Variants in SHROOM2 observed in about 807,000 individuals in gnomAD.
SHROOM2 encodes shroom family member 2, also known as protein Shroom2.
Under a neutral mutation model 75.9 loss-of-function variants are expected in SHROOM2, and 33 were observed. The observed-to-expected ratio is 0.43, with a 90% CI of 0.33 to 0.58. The LOEUF is 0.58. SHROOM2 is among the 20% of genes least tolerant of loss of function. The probability of loss-of-function intolerance (pLI) is 0.04; values close to 1 mark genes in which losing one functional copy is unlikely to be tolerated. For missense variants in SHROOM2, 1,434 were observed against 1,461.2 expected (o/e 0.98, Z 0.30); for synonymous variants, 655 against 663.6 (o/e 0.99, Z 0.20).
In SHROOM2 at chrX:9,895,454, C is replaced by T; in HGVS notation, c.1546C>T (p.Pro516Ser). Residue 516 changes from proline (P) to serine (S), a missense_variant, in exon 4 of 10, where the codon CCA becomes TCA. Physicochemically the swap from Pro to Ser is moderately conservative, Grantham distance 74. This residue lies in a region of SHROOM2 where 1,340 missense variants were observed against 1,338.3 expected (regional missense o/e 1.00). Coordinates refer to ENST00000380913, the MANE Select transcript of SHROOM2 (RefSeq NM_001649.4). Reference protein sequence around the residue: ...SLPPPTVGQSPRHHLPQPEGP... With the variant: ...SLPPPTVGQSSRHHLPQPEGP... ...TCCCCCACCCACGGTGGGCCAGAGC[C>T]CACGCCATCACCTACCTCAGCCTGA... The T allele has an allele frequency of 8.3e-7, 1 of 1,209,768 alleles. No homozygotes were observed. The highest frequency in any genetic ancestry group is 1.7e-5 in the African/African-American group (1 of 57,886).
In SHROOM2 at chrX:9,937,572, C is replaced by G. The variant is rs1223244842; in HGVS notation, c.4026C>G (p.Thr1342=). The change falls in exon 7 of 10, where the codon ACC becomes ACG. Residue 1342 remains threonine, a synonymous_variant. Transcript: ENST00000380913. ...DILDPSVKIK[T]TMDLMEGIFP... is the part of the protein sequence containing the mutation. ...TGGATCCCAGTGTGAAGATCAAAAC[C>G]ACTATGGACTTGATGGAAGGCATCT... The G allele has an allele frequency of 2.5e-6, 3 of 1,211,833 alleles. No homozygotes were observed.
Position 9,793,487 on chromosome X carries a change from G to A in SHROOM2, c.165+6777G>A, listed in dbSNP as rs900106064. On this transcript the variant is annotated intron_variant, in intron 1 of 9. Coordinates refer to ENST00000380913, the MANE Select transcript of SHROOM2 (RefSeq NM_001649.4). ...ATATTTTTAGTAGAGATGGGGTTTCGCCATGATGGCCAGGCTGGTCTCAAA... is the reference window on the plus strand; with the variant it reads ...ATATTTTTAGTAGAGATGGGGTTTCACCATGATGGCCAGGCTGGTCTCAAA... Among the ~76,000 whole-genome samples, 2 of 106,862 alleles carry A rather than the reference G, an allele frequency of 1.9e-5. 1 individual carries two copies. Among genetic ancestry groups the A allele is most frequent in the East Asian group, 6.0e-4 (2 of 3,324 alleles). The allele number at this position is 106,862 out of a possible 115,157, so 92.8% of individuals were successfully genotyped here. A position where few individuals can be genotyped will look rare whatever the true frequency, so the allele number is the denominator to read the frequency against.
In SHROOM2 at chrX:9,938,089, A is replaced by T. The variant is rs147671667; in HGVS notation, c.4139+404A>T. ...TGGGTGGAGCCCAGGAACACTGCTC[A>T]ACATCTACAGTGCACAGGAGGGCCC... is the stretch of plus-strand genomic sequence containing the variant. On this transcript the variant is annotated intron_variant, in intron 7 of 9. Transcript: ENST00000380913. Among the ~76,000 whole-genome samples the T allele has an allele frequency of 9.4e-5, 10 of 106,501 alleles. No homozygotes were observed. In the East Asian group the frequency reaches 2.9e-3, roughly 31 times the overall value. The allele number at this position is 106,501 out of a possible 115,157, so 92.5% of individuals were successfully genotyped here. A position where few individuals can be genotyped will look rare whatever the true frequency, so the allele number is the denominator to read the frequency against.
chrX:9,893,969 C>CAAA lies in SHROOM2; in HGVS notation c.450-387_450-385dup, dbSNP rs1409899180. 1.7e-4 allele frequency among the ~76,000 whole-genome samples: 18 copies of CAAA among 107,716 alleles called. No individual in the cohort carries two copies. In the East Asian group the frequency reaches 4.9e-3, roughly 29 times the overall value. 93.5% of individuals were successfully genotyped at this position (107,716 alleles called of 115,157 possible). ...ACTGTCTCAAAAAAAAAAAAAAAAC[C>CAAA]AAAATCAACAACAACAACAACCTGA... On this transcript the variant is annotated intron_variant, in intron 3 of 9. Coordinates refer to ENST00000380913, the MANE Select transcript of SHROOM2 (RefSeq NM_001649.4).
intron 1 of SHROOM2, among the ~76,000 whole-genome samples, chrX:9,853,428 A>ACC (rs2084050974): frequency 8.9e-6 from 1 of 112,520 alleles, no homozygotes; most frequent in Non-Finnish European, 1.9e-5. Context: ...GTTGTCTCAT[A>ACC]GTAAAGAGGC....
At chrX:9,806,954 G>A (rs1313551337) in intron 1 of SHROOM2, among the ~76,000 whole-genome samples, 7 of 111,925 alleles carry the variant, frequency 6.3e-5, no homozygotes, top group Non-Finnish European at 1.3e-4. Context: ...CAACTCCTGG[G>A]CTCAAGGTAT....
At chrX:9,902,335 G>T (rs948500533) in intron 5 of SHROOM2, among the ~76,000 whole-genome samples, 3 of 110,176 alleles carry the variant, frequency 2.7e-5, no homozygotes, top group African/African-American at 9.9e-5. Context: ...GGATACATGG[G>T]TGCATGGATG....
intron 1 of SHROOM2, among the ~76,000 whole-genome samples, chrX:9,855,716 C>T (rs1323448822): frequency 1.8e-5 from 2 of 111,783 alleles, no homozygotes; most frequent in African/African-American, 3.3e-5. Flanking sequence ...AGCGATGAAC[C>T]CATCCTTGAC....
chrX:9,824,067 G>T (rs2083875680), intron 1 of SHROOM2, among the ~76,000 whole-genome samples: 1 of 110,501 alleles, frequency 9.0e-6, no homozygotes, highest in African/African-American at 3.3e-5. Flanking sequence ...AATAACATTT[G>T]GGTATGAAGT....
chrX:9,855,074 A>T (rs1465854849), intron 1 of SHROOM2, among the ~76,000 whole-genome samples: 11 of 93,531 alleles, frequency 1.2e-4, no homozygotes, highest in African/African-American at 4.3e-4. Context: ...ACTCTTTTTA[A>T]AAAAAAAAAA....
chrX:9,909,081 T>TGAG (rs1211144577), intron 5 of SHROOM2, among the ~76,000 whole-genome samples: 1 of 111,616 alleles, frequency 9.0e-6, no homozygotes, highest in Non-Finnish European at 1.9e-5. Context: ...GAGGAATGAC[T>TGAG]GAGTCTAGGG....
At chrX:9,906,295 G>C (rs2084390965) in intron 5 of SHROOM2, among the ~76,000 whole-genome samples, 1 of 111,544 alleles carries the variant, frequency 9.0e-6, no homozygotes, top group African/African-American at 3.3e-5. Context: ...AGAAGTGAGG[G>C]AGAGACTGTT....
chrX:9,855,736 C>T (rs2146781189), intron 1 of SHROOM2, among the ~76,000 whole-genome samples: 1 of 111,818 alleles, frequency 8.9e-6, no homozygotes, highest in South Asian at 3.7e-4. Context: ...CTTGTACGAC[C>T]ATCGGGTGTG....
At chrX:9,911,566 G>A (rs750736634) in intron 5 of SHROOM2, among the ~76,000 whole-genome samples, 3 of 111,114 alleles carry the variant, frequency 2.7e-5, no homozygotes, top group Admixed American at 1.9e-4. Flanking sequence ...GGCTGGCGAC[G>A]CTGCTTCCTG....
In SHROOM2 at chrX:9,947,262, G is replaced by T; in HGVS notation, c.*325G>T. On this transcript the variant is annotated 3_prime_UTR_variant, in exon 10 of 10. Coordinates refer to ENST00000380913, the MANE Select transcript of SHROOM2 (RefSeq NM_001649.4). Reference sequence around the variant, plus strand: ...AGTGGTCACTGTCAGTGGGAAACCCGTTGTTCCTCCCGTCTTCAGATGCTG... The same window carrying T: ...AGTGGTCACTGTCAGTGGGAAACCCTTTGTTCCTCCCGTCTTCAGATGCTG... The T allele has an allele frequency of 3.8e-6, 1 of 263,352 alleles. No homozygotes were observed. The highest frequency in any genetic ancestry group is 9.6e-5 in the South Asian group (1 of 10,437). 21.7% of individuals were successfully genotyped at this position (263,352 alleles called of 1,213,427 possible). A position where few individuals can be genotyped will look rare whatever the true frequency, so the allele number is the denominator to read the frequency against.
At chrX:9,864,357 G>T (rs1477882964) in intron 1 of SHROOM2, among the ~76,000 whole-genome samples, 2 of 110,910 alleles carry the variant, frequency 1.8e-5, no homozygotes, top group African/African-American at 3.3e-5. Context: ...GGATCAAGGA[G>T]TCCTTTTCCT....
At position 9,898,236 on chromosome X, in the gene SHROOM2, C is replaced by T; in HGVS notation, c.2837C>T (p.Pro946Leu). 1 of 1,188,926 alleles carries T rather than the reference C, an allele frequency of 8.4e-7. No homozygotes were observed. Among genetic ancestry groups the T allele is most frequent in the South Asian group, 1.9e-5 (1 of 53,905 alleles). The change falls in exon 5 of 10, where the codon CCC (proline) becomes CTC (leucine). Residue 946 changes from proline to leucine, a missense_variant. Transcript: ENST00000380913. The part of the protein sequence containing the change: ...LRRQAGDPGE[P>L]REELPSAVRA... ...AGGCAGGCAGGGGACCCCGGCGAGCCCAGAGAAGAGCTTCCCTCCGCAGTC... is the reference window on the plus strand; with the variant it reads ...AGGCAGGCAGGGGACCCCGGCGAGCTCAGAGAAGAGCTTCCCTCCGCAGTC...
intron 1 of SHROOM2, among the ~76,000 whole-genome samples, chrX:9,867,868 G>A (rs963473850): frequency 5.4e-5 from 6 of 111,715 alleles, no homozygotes; most frequent in East Asian, 5.6e-4. Context: ...TGTGGAATGC[G>A]TCCTTCATAT....
At chrX:9,921,459 CT>C (rs57840045) in intron 5 of SHROOM2, among the ~76,000 whole-genome samples, 16 of 108,506 alleles carry the variant, frequency 1.5e-4, no homozygotes, top group Non-Finnish European at 2.7e-4. Flanking sequence ...TGTCAACCCT[CT>C]TTTTTTTTGT....
Sources: allele counts gnomAD v4.1 joint callset (sites outside exome capture counted in the v4.1 genomes callset), GRCh38; gene constraint gnomAD v4.1.1; regional missense constraint gnomAD v4.1.1; transcripts MANE v1.5; gene names NCBI Gene and HGNC (gene_info 2026-07-23, HGNC 2026-07-21).